TSGA10: variants seen among roughly 807,000 people sequenced by gnomAD.
TSGA10 encodes testis specific 10.
A neutral mutation model predicts 96.6 loss-of-function variants in TSGA10; 43 were observed. The observed-to-expected ratio is 0.44, with a 90% CI of 0.35 to 0.57. The LOEUF is 0.57. Among genes scored for constraint, TSGA10 ranks in the 20% least tolerant of loss-of-function variants. TSGA10 has a pLI of 0.01. For synonymous variants in TSGA10, 229 were observed against 269.9 expected (o/e 0.85, Z 1.48); for missense variants, 703 against 834.4 (o/e 0.84, Z 1.94).
chr2:99,002,661 A>G (rs2078042104), intron 20 of TSGA10, among the ~76,000 whole-genome samples: 1 of 152,182 alleles, frequency 6.6e-6, no homozygotes, highest in Non-Finnish European at 1.5e-5. Context: ...TAAATGGGCT[A>G]AATACTCCAA....
At chr2:99,028,128 T>C (rs1267789445) in intron 17 of TSGA10, among the ~76,000 whole-genome samples, 1 of 152,156 alleles carries the variant, frequency 6.6e-6, no homozygotes, top group Non-Finnish European at 1.5e-5. Flanking sequence ...TCTTTGACTG[T>C]CTCTCTCTGA....
intron 1 of TSGA10, among the ~76,000 whole-genome samples, chr2:99,138,678 T>C (rs999393611): frequency 6.6e-6 from 1 of 152,224 alleles, no homozygotes; most frequent in Non-Finnish European, 1.5e-5. Context: ...AACGTCATTA[T>C]GGGAAGAGAA....
At chr2:99,079,106 A>T (rs2104578104) in intron 11 of TSGA10, among the ~76,000 whole-genome samples, 1 of 152,324 alleles carries the variant, frequency 6.6e-6, no homozygotes, top group South Asian at 2.1e-4. Flanking sequence ...TGATGGGAAA[A>T]GAGAGAGTGG....
intron 1 of TSGA10, among the ~76,000 whole-genome samples, chr2:99,134,506 C>T (rs998225544): frequency 3.9e-5 from 6 of 152,034 alleles, no homozygotes; most frequent in Non-Finnish European, 8.8e-5. Context: ...TCTTAGCTTC[C>T]TTGCATTGGG....
intron 18 of TSGA10, 58 bp downstream of exon 18, chr2:99,020,222 A>C: frequency 6.8e-7 from 1 of 1,460,166 alleles, no homozygotes; most frequent in Non-Finnish European, 9.5e-7. Context: ...TAAAATTTCT[A>C]CTAAAGTACC....
intron 7 of TSGA10, among the ~76,000 whole-genome samples, chr2:99,108,199 G>T (rs2091514314): frequency 1.3e-5 from 2 of 152,076 alleles, no homozygotes; most frequent in Admixed American, 1.3e-4. Context: ...TCCCTAACTA[G>T]ACTGTAAATT....
At chr2:99,149,366 T>G (rs975714209) in intron 1 of TSGA10, among the ~76,000 whole-genome samples, 1 of 151,988 alleles carries the variant, frequency 6.6e-6, no homozygotes, top group Non-Finnish European at 1.5e-5. Flanking sequence ...CTGCCCATCT[T>G]TGAAAGCGAA....
intron 16 of TSGA10, among the ~76,000 whole-genome samples, chr2:99,056,859 T>C (rs561849526): frequency 1.6e-5 from 2 of 122,286 alleles, no homozygotes; most frequent in Admixed American, 7.9e-5. Flanking sequence ...TCCAGCAACA[T>C]AAAAAATAAT....
At chr2:99,009,571 C>CAAAAA (rs765452742) in intron 20 of TSGA10, among the ~76,000 whole-genome samples, 2 of 45,452 alleles carry the variant, frequency 4.4e-5, no homozygotes, top group Non-Finnish European at 4.3e-5. Context: ...GACCCTGTCT[C>CAAAAA]AAAAAAAAAA....
At chr2:99,022,368 G>C (rs981071065) in intron 17 of TSGA10, among the ~76,000 whole-genome samples, 1 of 143,062 alleles carries the variant, frequency 7.0e-6, no homozygotes, top group Admixed American at 7.1e-5. Flanking sequence ...AACACAGAAC[G>C]TTCTCTGGCC....
At chr2:99,001,776 T>C (rs1037108671) in intron 20 of TSGA10, among the ~76,000 whole-genome samples, 7 of 152,058 alleles carry the variant, frequency 4.6e-5, no homozygotes, top group African/African-American at 1.4e-4. Context: ...ATAAACAGCA[T>C]AGAGAAGACC....
Position 99,018,236 on chromosome 2 carries a change from C to G in TSGA10, c.2036G>C (p.Arg679Pro). The G allele has an allele frequency of 6.2e-7, 1 of 1,613,902 alleles. No individual in the cohort carries two copies. ...KCHSPERAHH[R>P]SPDRGLDRSL... is the part of the protein sequence containing the mutation. Reference sequence around the variant, plus strand: ...TCGATCTAGGCCTCGGTCAGGAGATCGATGGTGAGCACGTTCTGGTGAATG... The same window carrying G: ...TCGATCTAGGCCTCGGTCAGGAGATGGATGGTGAGCACGTTCTGGTGAATG... The change falls in exon 20 of 21, where the codon CGA becomes CCA. Residue 679 changes from arginine (R) to proline (P), a missense_variant. Coordinates refer to ENST00000393483, the MANE Select transcript of TSGA10 (RefSeq NM_025244.4).
At chr2:99,124,442 T>C (rs2092723013) in intron 2 of TSGA10, among the ~76,000 whole-genome samples, 1 of 152,160 alleles carries the variant, frequency 6.6e-6, no homozygotes, top group East Asian at 1.9e-4. Context: ...GGAGTAGTTT[T>C]AGGTTTACAA....
chr2:99,077,863 G>A (rs1158954429), intron 12 of TSGA10, among the ~76,000 whole-genome samples: 1 of 151,920 alleles, frequency 6.6e-6, no homozygotes, highest in Non-Finnish European at 1.5e-5. Context: ...CACCCGGCCT[G>A]CACGCGGCCG....
At chr2:99,150,047 C>T (rs1470553692) in intron 1 of TSGA10, among the ~76,000 whole-genome samples, 1 of 152,172 alleles carries the variant, frequency 6.6e-6, no homozygotes, top group East Asian at 1.9e-4. Context: ...CCCGCCTCGG[C>T]CCCCAAAGTG....
intron 10 of TSGA10, among the ~76,000 whole-genome samples, chr2:99,093,840 C>T (rs141736749): frequency 1.3e-5 from 2 of 152,142 alleles, no homozygotes; most frequent in Non-Finnish European, 2.9e-5. Flanking sequence ...AAGCAATATA[C>T]AAATTCAATG....
At chr2:99,151,077 C>A in intron 1 of TSGA10, 1 of 330,942 alleles carries the variant, frequency 3.0e-6, no homozygotes, top group Non-Finnish European at 5.5e-6. Flanking sequence ...ATATTATATC[C>A]TTCTTAAAAA....
At chr2:99,035,632 T>A (rs2081550628) in intron 16 of TSGA10, among the ~76,000 whole-genome samples, 193 bp from the exon 17 acceptor site, 1 of 151,396 alleles carries the variant, frequency 6.6e-6, no homozygotes, top group African/African-American at 2.4e-5. Context: ...TTTTTTTTTT[T>A]ACATAAAATT....
intron 16 of TSGA10, among the ~76,000 whole-genome samples, chr2:99,046,220 G>C (rs1196154687): frequency 6.6e-6 from 1 of 152,130 alleles, no homozygotes; most frequent in African/African-American, 2.4e-5. Context: ...GCACCAAGCA[G>C]ACCTAATAGA....
Sources: allele counts gnomAD v4.1 joint callset (sites outside exome capture counted in the v4.1 genomes callset), GRCh38; gene constraint gnomAD v4.1.1; transcripts MANE v1.5; gene names NCBI Gene and HGNC (gene_info 2026-07-23, HGNC 2026-07-21).